PAX2: variants seen among roughly 807,000 people sequenced by gnomAD.
The protein encoded by PAX2 is paired box 2, also known as paired box protein Pax-2.
Under a neutral mutation model 41.7 loss-of-function variants are expected in PAX2, and 9 were observed. That is an observed-to-expected ratio of 0.22 (90% CI 0.13 to 0.38). PAX2 has a LOEUF of 0.38. Among genes scored for constraint, PAX2 ranks in the 10% least tolerant of loss-of-function variants. The pLI, the probability that PAX2 is intolerant of heterozygous loss-of-function variation, is 1.00. For missense variants in PAX2, 418 were observed against 531.6 expected (o/e 0.79, Z 2.10); for synonymous variants, 221 against 212.7 (o/e 1.04, Z -0.34).
At chr10:100,764,936 G>A (rs1432030107) in intron 3 of PAX2, among the ~76,000 whole-genome samples, 1 of 152,144 alleles carries the variant, frequency 6.6e-6, no homozygotes, top group Non-Finnish European at 1.5e-5. Flanking sequence ...TAAACAGGAA[G>A]AGGAGGGGAA....
chr10:100,806,033 C>T (rs1847769065), intron 5 of PAX2, among the ~76,000 whole-genome samples: 1 of 152,186 alleles, frequency 6.6e-6, no homozygotes, highest in South Asian at 2.1e-4. Context: ...TCTCCACAGG[C>T]TCAGTAATGC....
At position 100,806,282 on chromosome 10, in the gene PAX2, C is replaced by T. The variant is rs542838575; in HGVS notation, c.617-148C>T. On this transcript the variant is annotated intron_variant, in intron 5 of 9. Coordinates refer to ENST00000355243, the MANE Select transcript of PAX2 (RefSeq NM_000278.5). ...GGCAGGGCCACCCTCTGGTGTCAGC[C>T]CCACTGGCCCAGGGGCTGAGAGTAA... 21 of 790,848 alleles carry T rather than the reference C, an allele frequency of 2.7e-5. No homozygotes were observed. In the South Asian group the frequency reaches 3.1e-4, roughly 12 times the overall value. 49.0% of individuals were successfully genotyped at this position (790,848 alleles called of 1,614,324 possible).
At chr10:100,790,325 G>C (rs1847059487) in intron 5 of PAX2, among the ~76,000 whole-genome samples, 1 of 152,172 alleles carries the variant, frequency 6.6e-6, no homozygotes, top group Admixed American at 6.5e-5. Flanking sequence ...CTCAGCAAAG[G>C]CTGTCTGGTA....
At position 100,748,130 on chromosome 10, in the gene PAX2, C is replaced by T. The variant is rs1845270949; in HGVS notation, c.44-1616C>T. On this transcript the variant is annotated intron_variant, in intron 1 of 9. Transcript: ENST00000355243. This position sits in a 1 kb window ranked among gnomAD's most constrained non-coding sequence, Gnocchi z 5.0. Reference sequence around the variant, plus strand: ...CAGCCCTGGACTCCCGCCGTGTCCCCTTCCCATCCCCACCCCTTAGACTGG... The same window carrying T: ...CAGCCCTGGACTCCCGCCGTGTCCCTTTCCCATCCCCACCCCTTAGACTGG... 2 of 985,156 alleles carry T rather than the reference C, an allele frequency of 2.0e-6. No homozygotes were observed. The highest frequency in any genetic ancestry group is 1.1e-4 in the East Asian group (1 of 8,716). 61.0% of individuals were successfully genotyped at this position (985,156 alleles called of 1,614,324 possible).
chr10:100,804,597 A>G (rs932568285), intron 5 of PAX2, among the ~76,000 whole-genome samples: 1 of 152,228 alleles, frequency 6.6e-6, no homozygotes, highest in Non-Finnish European at 1.5e-5. Context: ...AAGTAGGCAC[A>G]GGAGAAACGG....
chr10:100,802,465 C>T (rs1460942305), intron 5 of PAX2, among the ~76,000 whole-genome samples: 2 of 152,170 alleles, frequency 1.3e-5, no homozygotes, highest in South Asian at 2.1e-4. Context: ...AAGGCCTGTG[C>T]GTCAGAGCTG....
At chr10:100,793,855 G>A (rs1299612974) in intron 5 of PAX2, among the ~76,000 whole-genome samples, 1 of 152,202 alleles carries the variant, frequency 6.6e-6, no homozygotes, top group Non-Finnish European at 1.5e-5. Context: ...GGTATGAGAG[G>A]AGCAGAGAAC....
chr10:100,806,756 A>G, intron 6 of PAX2, 151 bp downstream of exon 6: 1 of 766,990 alleles, frequency 1.3e-6, no homozygotes, highest in Non-Finnish European at 2.3e-6. Context: ...ACAGGCTCAC[A>G]TGAGACAGTA....
chr10:100,786,991 A>G, intron 5 of PAX2: 1 of 1,389,640 alleles, frequency 7.2e-7, no homozygotes. Context: ...GGAGGTTTGC[A>G]TCTGGTCTGG....
In PAX2 at chr10:100,809,163, G is replaced by A. The variant is rs777494044; in HGVS notation, c.846G>A (p.Ser282=). The change falls in exon 7 of 10, where the codon TCG becomes TCA. Residue 282 remains serine (S), a synonymous_variant. Coordinates refer to ENST00000355243, the MANE Select transcript of PAX2 (RefSeq NM_000278.5). ...ALTPGLDEVK[S]SLSASTNPEL... ...CCCCTGGGCTTGATGAAGTCAAGTC[G>A]AGTCTATCTGCATCCACCAACCCTG... The A allele has an allele frequency of 1.9e-5, 31 of 1,612,934 alleles. No individual in the cohort carries two copies. The East Asian group carries it at 3.3e-4, about 17-fold the overall frequency.
intron 3 of PAX2, among the ~76,000 whole-genome samples, chr10:100,773,741 C>T (rs1434870644): frequency 6.6e-6 from 1 of 152,100 alleles, no homozygotes; most frequent in Non-Finnish European, 1.5e-5. Flanking sequence ...CCCAGGCTGC[C>T]CCGGCCCCCC....
chr10:100,808,869 G>A (rs964512664), intron 6 of PAX2, among the ~76,000 whole-genome samples: 1 of 152,190 alleles, frequency 6.6e-6, no homozygotes, highest in African/African-American at 2.4e-5. Flanking sequence ...AACATAAAGG[G>A]TGCTGGCATT....
chr10:100,768,108 A>G (rs1286314348), intron 3 of PAX2, among the ~76,000 whole-genome samples: 1 of 152,146 alleles, frequency 6.6e-6, no homozygotes, highest in Admixed American at 6.5e-5. Context: ...TGTGATGTGA[A>G]AATCTCAAAC....
chr10:100,814,424 G>A (rs1419943920), intron 7 of PAX2, among the ~76,000 whole-genome samples: 2 of 143,996 alleles, frequency 1.4e-5, no homozygotes, highest in Non-Finnish European at 3.0e-5. Flanking sequence ...AGATCCCCCA[G>A]TCCCTTCCCA....
chr10:100,747,904 G>T (rs1290591332), intron 1 of PAX2: 6 of 984,296 alleles, frequency 6.1e-6, no homozygotes, highest in Middle Eastern at 5.2e-4. Context: ...TCCGCCGGGG[G>T]TCCGCCGAGT....
intron 5 of PAX2, among the ~76,000 whole-genome samples, chr10:100,797,084 G>T (rs1847364967): frequency 6.6e-6 from 1 of 152,110 alleles, no homozygotes; most frequent in African/African-American, 2.4e-5. Flanking sequence ...AACAAGTTAA[G>T]AACTGACCAA....
At position 100,748,280 on chromosome 10, in the gene PAX2, T is replaced by C. The variant is rs533690097; in HGVS notation, c.44-1466T>C. On this transcript the variant is annotated intron_variant, in intron 1 of 9. Transcript: ENST00000355243. This position sits in a 1 kb window ranked among gnomAD's most constrained non-coding sequence, Gnocchi z 5.0. Reference sequence around the variant, plus strand: ...GGGCCTAAATTATTGATGGTCGGGGTTTGGAGGGAGGGGAGGGTGAGAAGT... The same window carrying C: ...GGGCCTAAATTATTGATGGTCGGGGCTTGGAGGGAGGGGAGGGTGAGAAGT... 10 of 980,606 alleles carry C rather than the reference T, an allele frequency of 1.0e-5. No individual in the cohort carries two copies. Among genetic ancestry groups the C allele is most frequent in the Non-Finnish European group, 1.1e-5 (9 of 828,416 alleles). The allele number at this position is 980,606 out of a possible 1,614,324, so 60.7% of individuals were successfully genotyped here. A position where few individuals can be genotyped will look rare whatever the true frequency, so the allele number is the denominator to read the frequency against.
chr10:100,749,995 T>C, intron 2 of PAX2, 81 bp downstream of exon 2: 1 of 1,504,646 alleles, frequency 6.6e-7, no homozygotes, highest in Non-Finnish European at 9.0e-7. Flanking sequence ...AGGACGTGGC[T>C]AAAAGTCCAG....
intron 7 of PAX2, among the ~76,000 whole-genome samples, chr10:100,821,205 G>T (rs1463014577): frequency 1.3e-5 from 2 of 152,252 alleles, no homozygotes; most frequent in African/African-American, 4.8e-5. Flanking sequence ...TGACAATGGT[G>T]TTCCAGAAGA....
Sources: allele counts gnomAD v4.1 joint callset (sites outside exome capture counted in the v4.1 genomes callset), GRCh38; gene constraint gnomAD v4.1.1; non-coding constraint Gnocchi (gnomAD v3.1); transcripts MANE v1.5; gene names NCBI Gene and HGNC (gene_info 2026-07-23, HGNC 2026-07-21).